The following PRAG1 variants were observed in gnomAD, a reference collection of about 807,000 sequenced individuals.
PRAG1 encodes inactive tyrosine-protein kinase PRAG1.
A neutral mutation model predicts 95.6 loss-of-function variants in PRAG1; 110 were observed. The observed-to-expected ratio is 1.15, with a 90% CI of 0.99 to 1.35. The LOEUF (loss-of-function observed/expected upper bound fraction) is 1.35. Among genes scored for constraint, PRAG1 ranks in the 40% most tolerant of loss-of-function variants. The pLI is 0.00. For synonymous variants in PRAG1, 1,052 were observed against 819.4 expected (o/e 1.28, Z -4.85); for missense variants, 2,554 against 1,864.7 (o/e 1.37, Z -6.81).
At chr8:8,344,779 A>T (rs1031681384) in intron 3 of PRAG1, among the ~76,000 whole-genome samples, 1 of 152,170 alleles carries the variant, frequency 6.6e-6, no homozygotes, top group East Asian at 1.9e-4. Flanking sequence ...CGCCTCTGGA[A>T]GGCAAACAAC....
chr8:8,327,913 C>T lies in PRAG1; in HGVS notation c.2869G>A (p.Gly957Arg). 6.2e-7 allele frequency: 1 copy of T among 1,614,016 alleles called. No homozygotes were observed. The highest frequency in any genetic ancestry group is 1.7e-4 in the Middle Eastern group (1 of 6,060). Reference sequence around the variant, plus strand: ...CGGGCCAGGGACTGGGTGTAGAGTCCCCCCAGCTTGGCATAGGTGCCCTCC... The same window carrying T: ...CGGGCCAGGGACTGGGTGTAGAGTCTCCCCAGCTTGGCATAGGTGCCCTCC... The part of the protein sequence containing the change: ...SKEGTYAKLG[G>R]LYTQSLARLV... The change falls in exon 5 of 6, where the codon GGA (glycine) becomes AGA (arginine). Residue 957 changes from glycine (G) to arginine (R), a missense_variant. By Grantham distance (125) the Gly-to-Arg change is moderately radical. Transcript: ENST00000615670.
At chr8:8,327,310 C>G (rs2117113401) in intron 5 of PRAG1, among the ~76,000 whole-genome samples, 1 of 152,280 alleles carries the variant, frequency 6.6e-6, no homozygotes, top group East Asian at 1.9e-4. Context: ...TGGCTCACAC[C>G]TGTAATCCCA....
At chr8:8,319,588 T>G (rs1798408362) in intron 5 of PRAG1, among the ~76,000 whole-genome samples, 1 of 152,082 alleles carries the variant, frequency 6.6e-6, no homozygotes, top group Admixed American at 6.5e-5. Flanking sequence ...AAGACACCAT[T>G]AAGAAAGTGG....
chr8:8,378,423 G>A (rs983203840), intron 2 of PRAG1, among the ~76,000 whole-genome samples: 7 of 152,210 alleles, frequency 4.6e-5, no homozygotes, highest in African/African-American at 1.7e-4. Flanking sequence ...ACCAGCTGCT[G>A]GGTGACACAA....
At chr8:8,364,880 T>G (rs1365473735) in intron 3 of PRAG1, among the ~76,000 whole-genome samples, 2 of 152,172 alleles carry the variant, frequency 1.3e-5, no homozygotes, top group Non-Finnish European at 2.9e-5. Context: ...CTTTCTCAGG[T>G]TTCTGCTTTT....
intron 4 of PRAG1, among the ~76,000 whole-genome samples, chr8:8,331,676 T>C (rs1798822618): frequency 6.6e-6 from 1 of 152,190 alleles, no homozygotes; most frequent in African/African-American, 2.4e-5. Flanking sequence ...TCTAATTCCC[T>C]AGATGACCAA....
intron 1 of PRAG1, among the ~76,000 whole-genome samples, chr8:8,384,326 G>C (rs73184355): frequency 6.6e-6 from 1 of 152,070 alleles, no homozygotes; most frequent in Non-Finnish European, 1.5e-5. Flanking sequence ...GAGTGTGGAA[G>C]GATCTGGATT....
chr8:8,368,692 A>T lies in PRAG1; in HGVS notation c.2162+7555T>A, dbSNP rs1014066463. Among the ~76,000 whole-genome samples the T allele has an allele frequency of 4.6e-5, 7 of 152,320 alleles. No individual in the cohort carries two copies. The East Asian group carries it at 1.3e-3, about 29-fold the overall frequency. ...AATGTAGGCTGGCCATTCTAGGAAC[A>T]AAGTCCCTCTGACGACGTCAGGGAC... On this transcript the variant is annotated intron_variant, in intron 3 of 5. Transcript: ENST00000615670.
intron 3 of PRAG1, among the ~76,000 whole-genome samples, chr8:8,367,701 G>C (rs564841937): frequency 1.3e-5 from 2 of 152,004 alleles, no homozygotes; most frequent in East Asian, 2.0e-4. Context: ...GAGTGCAGTG[G>C]CGTGATCTCA....
In PRAG1 at chr8:8,376,272, G is replaced by C. The variant is rs200365497; in HGVS notation, c.2137C>G (p.Pro713Ala). The C allele has an allele frequency of 3.7e-6, 6 of 1,614,020 alleles. No individual in the cohort carries two copies. Among genetic ancestry groups the C allele is most frequent in the Non-Finnish European group, 5.1e-6 (6 of 1,179,992 alleles). The change falls in exon 3 of 6, where the codon CCT (proline) becomes GCT (alanine). Residue 713 changes from proline (P) to alanine (A), a missense_variant. Coordinates refer to ENST00000615670, the MANE Select transcript of PRAG1 (RefSeq NM_001080826.3). ...KDRSGIETFS[P>A]PPPPPKSRHL... Reference sequence around the variant, plus strand: ...CGCGACTTTGGAGGCGGAGGAGGAGGTGAGAATGTCTCAATCCCACTTCTG... The same window carrying C: ...CGCGACTTTGGAGGCGGAGGAGGAGCTGAGAATGTCTCAATCCCACTTCTG...
intron 4 of PRAG1, among the ~76,000 whole-genome samples, chr8:8,333,053 T>G (rs931285215): frequency 1.3e-5 from 2 of 152,230 alleles, no homozygotes; most frequent in Non-Finnish European, 2.9e-5. Context: ...ACAGCCAATA[T>G]TCTCCAGACT....
At chr8:8,378,684 A>C (rs1800522782) in intron 2 of PRAG1, among the ~76,000 whole-genome samples, 1 of 152,010 alleles carries the variant, frequency 6.6e-6, no homozygotes, top group Non-Finnish European at 1.5e-5. Flanking sequence ...ACATGGCCAA[A>C]TCCCATCTCT....
chr8:8,342,731 G>T (rs758258519), intron 3 of PRAG1, among the ~76,000 whole-genome samples: 2 of 152,036 alleles, frequency 1.3e-5, no homozygotes, highest in African/African-American at 2.4e-5. Flanking sequence ...AAAAAAGAAA[G>T]TAGAGCCATA....
intron 3 of PRAG1, among the ~76,000 whole-genome samples, chr8:8,351,273 A>T (rs541599187): frequency 6.6e-6 from 1 of 152,122 alleles, no homozygotes; most frequent in African/African-American, 2.4e-5. Context: ...TTGAACAACC[A>T]TATCTCATGA....
chr8:8,323,380 G>A (rs1019290251), intron 5 of PRAG1, among the ~76,000 whole-genome samples: 7 of 149,832 alleles, frequency 4.7e-5, no homozygotes, highest in African/African-American at 9.8e-5. Context: ...GTGCAGTGGC[G>A]CATCTTGGCT....
intron 4 of PRAG1, among the ~76,000 whole-genome samples, chr8:8,338,868 G>C (rs552148375): frequency 6.6e-6 from 1 of 152,320 alleles, no homozygotes; most frequent in African/African-American, 2.4e-5. Context: ...GAAAGGGTGA[G>C]AGGTTTTAAA....
chr8:8,353,974 GA>G (rs36102058), intron 3 of PRAG1, among the ~76,000 whole-genome samples: 21 of 147,840 alleles, frequency 1.4e-4, no homozygotes, highest in East Asian at 7.9e-4. Flanking sequence ...GCCACATAAG[GA>G]AAAAAAAAGT....
intron 3 of PRAG1, among the ~76,000 whole-genome samples, chr8:8,366,268 A>G (rs1282385667): frequency 6.6e-6 from 1 of 151,896 alleles, no homozygotes; most frequent in African/African-American, 2.4e-5. Flanking sequence ...TGCCAAACAG[A>G]AGTGGCTAGA....
At chr8:8,374,614 G>A in intron 3 of PRAG1, 1 of 968,814 alleles carries the variant, frequency 1.0e-6, no homozygotes. Context: ...ATCCATCCCT[G>A]GCCCATAGTG....
Sources: gnomAD v4.1 joint callset for allele counts (sites outside exome capture counted in the v4.1 genomes callset) on GRCh38, gnomAD v4.1.1 for gene constraint, MANE v1.5 for transcripts, NCBI Gene and HGNC (gene_info 2026-07-23, HGNC 2026-07-21) for gene names.